Variants in VPS13A observed in about 807,000 individuals in gnomAD.
VPS13A encodes the protein intermembrane lipid transfer protein VPS13A.
A neutral mutation model predicts 390.9 loss-of-function variants in VPS13A; 264 were observed. The ratio of observed to expected loss-of-function variants is 0.68; its 90% CI spans 0.61 to 0.75. VPS13A has a LOEUF of 0.75. Among genes scored for constraint, VPS13A ranks in the 30% least tolerant of loss-of-function variants. The pLI, the probability that VPS13A is intolerant of heterozygous loss-of-function variation, is 0.00. For missense variants in VPS13A, 3,409 were observed against 3,733.9 expected (o/e 0.91, Z 2.27); for synonymous variants, 1,231 against 1,227.1 (o/e 1.00, Z -0.07).
At chr9:77,370,202 T>C in intron 63 of VPS13A, 55 bp from the exon 64 acceptor site, 1 of 1,586,778 alleles carries the variant, frequency 6.3e-7, no homozygotes, top group Non-Finnish European at 8.7e-7. Context: ...CGTAAGCTCA[T>C]CTTTAAAAGT....
chr9:77,253,174 A>C (rs570667012), intron 22 of VPS13A, among the ~76,000 whole-genome samples: 1 of 152,298 alleles, frequency 6.6e-6, no homozygotes, highest in South Asian at 2.1e-4. Flanking sequence ...TCATCCTAAT[A>C]GGTGTGAAGT....
chr9:77,353,465 T>G lies in VPS13A; in HGVS notation c.7476T>G (p.Phe2492Leu), dbSNP rs776080532. Residue 2492 changes from phenylalanine to leucine, a missense_variant, in exon 54 of 72, where the codon TTT (phenylalanine) becomes TTG (leucine). By Grantham distance (22) the Phe-to-Leu change is conservative (BLOSUM62 0). Transcript: ENST00000360280. The part of the protein sequence containing the change: ...GEKTIYLVSF[F>L]EGLQRIILFT... ...AGACAATATATTTAGTTTCATTCTTTGAAGGTTTACAACGCATTATTTTAT... is the reference window on the plus strand; with the variant it reads ...AGACAATATATTTAGTTTCATTCTTGGAAGGTTTACAACGCATTATTTTAT... 2.5e-6 allele frequency: 4 copies of G among 1,612,956 alleles called. No individual in the cohort carries two copies. In the Admixed American group the frequency reaches 6.7e-5, roughly 27 times the overall value.
intron 26 of VPS13A, among the ~76,000 whole-genome samples, chr9:77,277,086 C>G (rs1055219786): frequency 6.6e-6 from 1 of 152,032 alleles, no homozygotes; most frequent in Admixed American, 6.6e-5. Context: ...TATTCTGTTT[C>G]CTATGTTAGG....
rs768367732 is a variant in VPS13A at position 77,314,478 on chromosome 9, G to A, written c.4243-17G>A. The stretch of plus-strand genomic sequence containing the variant: ...TTGTGTTTCTTTGTAATTTTGTGTT[G>A]GTTTCTCCTTTCATAGGCTTCCTTT... On this transcript the variant is annotated splice_polypyrimidine_tract_variant and intron_variant, in intron 36 of 71. Transcript: ENST00000360280. 1.6e-5 allele frequency: 26 copies of A among 1,608,652 alleles called. No homozygotes were observed. The South Asian group carries it at 2.9e-4, about 18-fold the overall frequency.
intron 60 of VPS13A, 145 bp downstream of exon 60, chr9:77,365,718 T>C (rs1305167796): frequency 1.1e-5 from 6 of 560,114 alleles, no homozygotes. Flanking sequence ...TTTACATTTT[T>C]ATTTATTTTT....
chr9:77,286,846 CA>C, intron 31 of VPS13A, among the ~76,000 whole-genome samples: 1 of 152,152 alleles, frequency 6.6e-6, no homozygotes, highest in South Asian at 2.1e-4. Flanking sequence ...TTCCAGAAGC[CA>C]ATTGGTTGAA....
chr9:77,304,853 C>T (rs1411091251), intron 34 of VPS13A, among the ~76,000 whole-genome samples: 3 of 152,098 alleles, frequency 2.0e-5, no homozygotes, highest in African/African-American at 7.2e-5. Context: ...ATCCTTCTCC[C>T]CACCTCACAG....
intron 11 of VPS13A, 65 bp from the exon 12 acceptor site, chr9:77,220,210 CTT>C (rs1333850755): frequency 5.2e-6 from 8 of 1,525,914 alleles, no homozygotes; most frequent in Non-Finnish European, 7.2e-6. Flanking sequence ...AGTAATGTAA[CTT>C]TTATCTTCAG....
At position 77,275,664 on chromosome 9, in the gene VPS13A, G is replaced by A. The variant is rs199995355; in HGVS notation, c.2667+12G>A. On this transcript the variant is annotated intron_variant, in intron 25 of 71. Coordinates refer to ENST00000360280, the MANE Select transcript of VPS13A (RefSeq NM_033305.3). ...TTGAAGTACCAAAGGTAGGTACTAC[G>A]GTAAAATTAACATGGCTTAATTTGT... The A allele has an allele frequency of 5.0e-3, 8,024 of 1,610,488 alleles. 23 individuals are homozygous for A. Among genetic ancestry groups the A allele is most frequent in the Non-Finnish European group, 6.4e-3 (7,558 of 1,177,258 alleles).
rs1197279205 is a variant in VPS13A at position 77,398,191 on chromosome 9, A to T, written c.9190-5045A>T. 3.3e-5 allele frequency among the ~76,000 whole-genome samples: 5 copies of T among 152,190 alleles called. No homozygotes were observed. The East Asian group carries it at 9.6e-4, about 29-fold the overall frequency. On this transcript the variant is annotated intron_variant, in intron 68 of 71. Transcript: ENST00000360280. The stretch of plus-strand genomic sequence containing the variant: ...TTGACCTGGAAAAAATTAGCAGCCT[A>T]CCTCAGCAACTATCAGTATCCAGGG...
intron 59 of VPS13A, among the ~76,000 whole-genome samples, chr9:77,361,684 A>G (rs1212783130): frequency 1.3e-5 from 2 of 152,140 alleles, no homozygotes; most frequent in African/African-American, 4.8e-5. Flanking sequence ...GAATTGCTCA[A>G]TCACATAGTA....
rs1829833520 is a variant in VPS13A at position 77,323,072 on chromosome 9, G to A, written c.5836G>A (p.Val1946Ile). The A allele has an allele frequency of 1.2e-6, 2 of 1,610,994 alleles. No homozygotes were observed. Reference protein sequence around the residue: ...SKLFFILLTPVNHSTADKIPL... With the variant: ...SKLFFILLTPINHSTADKIPL... ...AACATACTTACTTAATTTAGCACCT[G>A]TTAACCATTCTACTGCTGATAAGAT... Residue 1946 changes from valine to isoleucine, a missense_variant, in exon 45 of 72, where the codon GTT becomes ATT. Physicochemically the swap from Val to Ile is conservative, Grantham distance 29. Coordinates refer to ENST00000360280, the MANE Select transcript of VPS13A (RefSeq NM_033305.3).
intron 1 of VPS13A, 21 bp from the exon 2 acceptor site, chr9:77,199,924 C>CT (rs764893746): frequency 1.6e-5 from 26 of 1,581,230 alleles, no homozygotes; most frequent in East Asian, 2.2e-5. Context: ...TTGTTTGAAT[C>CT]TTTTTTTTAA....
At chr9:77,323,330 T>C in intron 45 of VPS13A, 103 bp downstream of exon 45, 1 of 1,369,866 alleles carries the variant, frequency 7.3e-7, no homozygotes, top group South Asian at 1.2e-5. Context: ...ATATAAACCG[T>C]AACAGTAATA....
chr9:77,226,048 T>TGTGA (rs1250737121), intron 14 of VPS13A, 60 bp downstream of exon 14: 9 of 1,451,820 alleles, frequency 6.2e-6, no homozygotes, highest in African/African-American at 1.4e-5. Context: ...ATATGACAGA[T>TGTGA]GTGATATTAT....
rs894620121 is a variant in VPS13A, at chr9:77,382,575, A to T, written c.9189+488A>T. 5.3e-6 allele frequency: 6 copies of T among 1,124,728 alleles called. No homozygotes were observed. In the African/African-American group the frequency reaches 9.8e-5, roughly 18 times the overall value. The allele number at this position is 1,124,728 out of a possible 1,614,324, so 69.7% of individuals were successfully genotyped here. A position where few individuals can be genotyped will look rare whatever the true frequency, so the allele number is the denominator to read the frequency against. On this transcript the variant is annotated intron_variant, in intron 68 of 71. Coordinates refer to ENST00000360280, the MANE Select transcript of VPS13A (RefSeq NM_033305.3). The stretch of plus-strand genomic sequence containing the variant: ...AAACCATTTCTGTTGTGGGGTTATT[A>T]AACCACTGGTAGCTTTTATACCAGA...
In VPS13A at chr9:77,214,426, A is replaced by G. The variant is rs962770910; in HGVS notation, c.754+40A>G. On this transcript the variant is annotated intron_variant, in intron 10 of 71. Coordinates refer to ENST00000360280, the MANE Select transcript of VPS13A (RefSeq NM_033305.3). ...TAAGATAAAAAAAGTAGTTAAAGTA[A>G]TTGGTATAAATTTTAAATTAGCATT... 10 of 1,524,494 alleles carry G rather than the reference A, an allele frequency of 6.6e-6. No individual in the cohort carries two copies. The African/African-American group carries it at 8.3e-5, about 13-fold the overall frequency. The allele number at this position is 1,524,494 out of a possible 1,614,324, so 94.4% of individuals were successfully genotyped here.
At chr9:77,254,446 A>G (rs1000724624) in intron 22 of VPS13A, among the ~76,000 whole-genome samples, 4 of 150,544 alleles carry the variant, frequency 2.7e-5, no homozygotes, top group African/African-American at 9.7e-5. Flanking sequence ...CTGTAGCTTT[A>G]TAGGAAGTTT....
intron 24 of VPS13A, among the ~76,000 whole-genome samples, chr9:77,274,284 T>C (rs1826512531): frequency 6.6e-6 from 1 of 151,970 alleles, no homozygotes; most frequent in Admixed American, 6.6e-5. Flanking sequence ...AAAAATTAGC[T>C]GGGAGTGGTG....
Sources: gnomAD v4.1 joint callset for allele counts (sites outside exome capture counted in the v4.1 genomes callset) on GRCh38, gnomAD v4.1.1 for gene constraint, MANE v1.5 for transcripts, NCBI Gene and HGNC (gene_info 2026-07-23, HGNC 2026-07-21) for gene names.